TAF3: variants seen among roughly 807,000 people sequenced by gnomAD.
The protein encoded by TAF3 is TATA-box binding protein associated factor 3.
In TAF3, 7 loss-of-function variants were observed where a neutral mutation model predicts 80.6. The observed-to-expected ratio is 0.09, with a 90% CI of 0.05 to 0.16. The LOEUF (loss-of-function observed/expected upper bound fraction) is 0.16, where lower values mean the gene tolerates loss of function less well. Among genes scored for constraint, TAF3 ranks in the 10% least tolerant of loss-of-function variants. The pLI is 1.00. For missense variants in TAF3, 921 were observed against 1,140.2 expected (o/e 0.81, Z 2.77); for synonymous variants, 444 against 446.1 (o/e 1.00, Z 0.06).
chr10:7,910,211 T>G (rs1386005640), intron 2 of TAF3, among the ~76,000 whole-genome samples: 4 of 152,130 alleles, frequency 2.6e-5, no homozygotes, highest in African/African-American at 9.7e-5. Context: ...CTCCTTATAC[T>G]GAGCACTTAG....
chr10:7,960,380 G>A (rs1206595405), intron 2 of TAF3, among the ~76,000 whole-genome samples: 3 of 152,120 alleles, frequency 2.0e-5, no homozygotes, highest in African/African-American at 4.8e-5. Context: ...ACGTTTTTTT[G>A]TAAAGAGCTG....
Position 7,980,697 on chromosome 10 carries a change from G to T in TAF3, c.2315+3374G>T, listed in dbSNP as rs528093239. 2.6e-5 allele frequency among the ~76,000 whole-genome samples: 4 copies of T among 152,326 alleles called. No homozygotes were observed. The East Asian group carries it at 7.7e-4, about 29-fold the overall frequency. On this transcript the variant is annotated intron_variant, in intron 4 of 6. Coordinates refer to ENST00000344293, the MANE Select transcript of TAF3 (RefSeq NM_031923.4). The stretch of plus-strand genomic sequence containing the variant: ...TCTGGTCCAGCCTAGCAGAAGCCTT[G>T]CCTTGATGCTGGGATAGCAAGTAAG...
At chr10:7,942,212 A>G (rs1837982710) in intron 2 of TAF3, among the ~76,000 whole-genome samples, 1 of 152,232 alleles carries the variant, frequency 6.6e-6, no homozygotes, top group African/African-American at 2.4e-5. Flanking sequence ...ATCACCCGTG[A>G]CGATGCATAA....
chr10:7,943,569 A>G (rs1837996478), intron 2 of TAF3, among the ~76,000 whole-genome samples: 1 of 152,232 alleles, frequency 6.6e-6, no homozygotes, highest in Non-Finnish European at 1.5e-5. Context: ...AAACTTGCAC[A>G]CTGCTAGACA....
intron 2 of TAF3, among the ~76,000 whole-genome samples, chr10:7,902,081 T>C (rs1447801054): frequency 6.6e-6 from 1 of 152,146 alleles, no homozygotes; most frequent in Non-Finnish European, 1.5e-5. Flanking sequence ...AACCAGGACA[T>C]TTCTTCTCCA....
chr10:8,000,046 T>C (rs1831928106), intron 4 of TAF3, among the ~76,000 whole-genome samples: 1 of 152,242 alleles, frequency 6.6e-6, no homozygotes, highest in Non-Finnish European at 1.5e-5. Context: ...TTTAAGTGTA[T>C]AACTCAAGCC....
chr10:7,995,667 A>T (rs558827558), intron 4 of TAF3, among the ~76,000 whole-genome samples: 1 of 152,288 alleles, frequency 6.6e-6, no homozygotes, highest in African/African-American at 2.4e-5. Flanking sequence ...TCATTTTTCA[A>T]ATAGGTCATG....
chr10:7,860,650 A>G (rs969115466), intron 2 of TAF3, among the ~76,000 whole-genome samples: 1 of 152,234 alleles, frequency 6.6e-6, no homozygotes, highest in Admixed American at 6.5e-5. Flanking sequence ...ATTGTCACCT[A>G]CAAAAGGTAC....
rs544607420 is a variant in TAF3, at chr10:7,934,086, T to G, written c.410-29834T>G. ...CTCGATAGCGTAGAGATTGATACTGTGAGGCAAGGCATGAATTCTGACAAC... is the reference window on the plus strand; with the variant it reads ...CTCGATAGCGTAGAGATTGATACTGGGAGGCAAGGCATGAATTCTGACAAC... On this transcript the variant is annotated intron_variant, in intron 2 of 6. Transcript: ENST00000344293. Among the ~76,000 whole-genome samples the G allele has an allele frequency of 4.6e-5, 7 of 152,176 alleles. No homozygotes were observed. In the South Asian group the frequency reaches 6.2e-4, roughly 14 times the overall value.
intron 2 of TAF3, among the ~76,000 whole-genome samples, chr10:7,855,142 G>A (rs1007718170): frequency 6.6e-6 from 1 of 152,202 alleles, no homozygotes; most frequent in Non-Finnish European, 1.5e-5. Context: ...CAGTACAACT[G>A]AATCCCAAGC....
intron 2 of TAF3, among the ~76,000 whole-genome samples, chr10:7,830,999 T>C (rs747170959): frequency 3.9e-5 from 6 of 152,318 alleles, no homozygotes; most frequent in South Asian, 4.1e-4. Flanking sequence ...CAGCTGATGA[T>C]GTCCAGTTTT....
At position 7,936,511 on chromosome 10, in the gene TAF3, T is replaced by TC. The variant is rs142737773; in HGVS notation, c.410-27408dup. ...CCTGAGCTGCATCTTTTTTTTTTTT[T>TC]CTTAATAGACTTTATTATTTAGAGC... On this transcript the variant is annotated intron_variant, in intron 2 of 6. Coordinates refer to ENST00000344293, the MANE Select transcript of TAF3 (RefSeq NM_031923.4). Among the ~76,000 whole-genome samples the TC allele has an allele frequency of 7.9e-3, 1,198 of 151,978 alleles. 111 individuals carry two copies. In the East Asian group the frequency reaches 0.2, roughly 25 times the overall value.
At chr10:7,993,405 C>T (rs1831853162) in intron 4 of TAF3, among the ~76,000 whole-genome samples, 2 of 152,276 alleles carry the variant, frequency 1.3e-5, no homozygotes, top group East Asian at 3.9e-4. Context: ...TCTCAAACTC[C>T]TGGGCTCAAG....
chr10:7,851,829 A>T (rs1837029714), intron 2 of TAF3, among the ~76,000 whole-genome samples: 1 of 152,040 alleles, frequency 6.6e-6, no homozygotes, highest in Non-Finnish European at 1.5e-5. Flanking sequence ...CTGGCACTCA[A>T]GCTGGAGTGC....
chr10:7,907,662 G>GC (rs1837618599), intron 2 of TAF3, among the ~76,000 whole-genome samples: 1 of 152,306 alleles, frequency 6.6e-6, no homozygotes, highest in African/African-American at 2.4e-5. Context: ...AGCCTTTAAT[G>GC]CCTCATCCAT....
intron 2 of TAF3, among the ~76,000 whole-genome samples, chr10:7,853,852 T>C (rs1181068280): frequency 6.6e-6 from 1 of 152,228 alleles, no homozygotes; most frequent in African/African-American, 2.4e-5. Context: ...CATGCCAAAC[T>C]GCATTCATCC....
chr10:7,964,127 ATGT>A lies in TAF3; in HGVS notation c.621_623del (p.Val208del). 1 of 1,614,106 alleles carries A rather than the reference ATGT, an allele frequency of 6.2e-7. No homozygotes were observed. On this transcript the variant is annotated inframe_deletion, in exon 3 of 7. Transcript: ENST00000344293. This position sits in a 1 kb window ranked among gnomAD's most constrained non-coding sequence, Gnocchi z 4.1. ...TTAAGCACTAAAGGGGACACGCTAGATGTTGTGTTATTGGAAGCTCGAGAGCCA... is the reference window on the plus strand; with the variant it reads ...TTAAGCACTAAAGGGGACACGCTAGATGTGTTATTGGAAGCTCGAGAGCCA...
chr10:7,905,900 CA>C (rs1303048261), intron 2 of TAF3, among the ~76,000 whole-genome samples: 1 of 151,846 alleles, frequency 6.6e-6, no homozygotes, highest in Non-Finnish European at 1.5e-5. Flanking sequence ...AAAAATTTAG[CA>C]AAGATTCTGC....
At chr10:7,827,749 C>T (rs1272102343) in intron 2 of TAF3, among the ~76,000 whole-genome samples, 6 of 149,522 alleles carry the variant, frequency 4.0e-5, no homozygotes, top group African/African-American at 1.5e-4. Context: ...CACTGTACTC[C>T]AGCCTGGGTG....
Sources: gnomAD v4.1 joint callset for allele counts (sites outside exome capture counted in the v4.1 genomes callset) on GRCh38, gnomAD v4.1.1 for gene constraint, Gnocchi (gnomAD v3.1) non-coding constraint, MANE v1.5 for transcripts, NCBI Gene and HGNC (gene_info 2026-07-23, HGNC 2026-07-21) for gene names.